CDK14: variants seen among roughly 807,000 people sequenced by gnomAD.
CDK14 encodes the protein cyclin-dependent kinase 14.
Under a neutral mutation model 60.7 loss-of-function variants are expected in CDK14, and 34 were observed. The ratio of observed to expected loss-of-function variants is 0.56; its 90% CI spans 0.43 to 0.75. The LOEUF is 0.75. Among genes scored for constraint, CDK14 ranks in the 30% least tolerant of loss-of-function variants. The pLI is 0.00. For synonymous variants in CDK14, 197 were observed against 203.7 expected (o/e 0.97, Z 0.28); for missense variants, 482 against 564.1 (o/e 0.85, Z 1.47).
chr7:91,020,563 C>A (rs1183051608), intron 10 of CDK14, among the ~76,000 whole-genome samples: 1 of 152,092 alleles, frequency 6.6e-6, no homozygotes, highest in Non-Finnish European at 1.5e-5. Flanking sequence ...TTAAGACAAG[C>A]GAAATAATTC....
chr7:90,770,820 C>A (rs1398690938), intron 4 of CDK14, among the ~76,000 whole-genome samples: 1 of 152,174 alleles, frequency 6.6e-6, no homozygotes, highest in Admixed American at 6.5e-5. Flanking sequence ...CCATCTATAC[C>A]AGGAAACTTT....
intron 13 of CDK14, among the ~76,000 whole-genome samples, chr7:91,117,087 G>A (rs895810905): frequency 2.8e-5 from 4 of 145,124 alleles, no homozygotes; most frequent in Non-Finnish European, 6.0e-5. Flanking sequence ...TGACCATCTA[G>A]TAGGCCTCTC....
chr7:90,596,647 C>T lies in CDK14; in HGVS notation c.20C>T (p.Pro7Leu), dbSNP rs767030755. MCDLIE[P>L]QPAEKIGKMK... ...GCCCAGATGTGTGACCTCATTGAGCCGCAGCCGGCCGAGAAGATCGGCAAG... is the reference window on the plus strand; with the variant it reads ...GCCCAGATGTGTGACCTCATTGAGCTGCAGCCGGCCGAGAAGATCGGCAAG... The change falls in exon 1 of 15, where the codon CCG becomes CTG. Residue 7 changes from proline to leucine, a missense_variant. Pro to Leu is a moderately conservative substitution (Grantham distance 98). Transcript: ENST00000380050. The T allele has an allele frequency of 3.1e-6, 5 of 1,612,074 alleles. No individual in the cohort carries two copies.
chr7:90,820,911 A>G (rs1789523316), intron 5 of CDK14, among the ~76,000 whole-genome samples: 1 of 152,220 alleles, frequency 6.6e-6, no homozygotes, highest in East Asian at 1.9e-4. Flanking sequence ...ACTGAAAGAT[A>G]TCAGTTTCTC....
chr7:90,830,487 T>C (rs966965103), intron 5 of CDK14, among the ~76,000 whole-genome samples: 1 of 152,210 alleles, frequency 6.6e-6, no homozygotes, highest in Non-Finnish European at 1.5e-5. Flanking sequence ...TCTGGGCTTG[T>C]GGTGGGAGGG....
intron 8 of CDK14, among the ~76,000 whole-genome samples, chr7:90,927,578 C>T (rs1793456363): frequency 6.6e-6 from 1 of 152,042 alleles, no homozygotes; most frequent in Non-Finnish European, 1.5e-5. Flanking sequence ...AACAGAAGTA[C>T]TAAAGTACAT....
chr7:91,190,400 A>T (rs553491878), intron 14 of CDK14, among the ~76,000 whole-genome samples: 30 of 152,366 alleles, frequency 2.0e-4, no homozygotes, highest in African/African-American at 7.0e-4. Context: ...AATAAAACTA[A>T]TGACCACCAC....
intron 14 of CDK14, among the ~76,000 whole-genome samples, chr7:91,184,409 G>C (rs1263666628): frequency 6.6e-6 from 1 of 152,106 alleles, no homozygotes; most frequent in Non-Finnish European, 1.5e-5. Context: ...GGTAAGTTCG[G>C]AGAAAGAGTG....
chr7:90,598,057 C>T (rs937061741), intron 1 of CDK14, among the ~76,000 whole-genome samples: 7 of 152,148 alleles, frequency 4.6e-5, no homozygotes, highest in Non-Finnish European at 8.8e-5. Flanking sequence ...AATGTTGAGT[C>T]GTGTGCATTA....
At chr7:90,966,737 A>G (rs985646853) in intron 9 of CDK14, among the ~76,000 whole-genome samples, 1 of 151,948 alleles carries the variant, frequency 6.6e-6, no homozygotes, top group Admixed American at 6.6e-5. Context: ...CTTCATACAC[A>G]TTTTCATTTC....
At chr7:91,103,605 A>C (rs925713558) in intron 12 of CDK14, among the ~76,000 whole-genome samples, 1 of 152,150 alleles carries the variant, frequency 6.6e-6, no homozygotes, top group African/African-American at 2.4e-5. Context: ...CCCTGCCTCT[A>C]GTTCACAATC....
At chr7:91,173,604 G>A (rs146517301) in intron 14 of CDK14, among the ~76,000 whole-genome samples, 2,030 of 152,306 alleles carry the variant, frequency 0.013, 30 homozygotes, top group South Asian at 0.029. Context: ...TGCATGCACC[G>A]TGCGCGAGCC....
At chr7:91,165,046 A>G (rs971610193) in intron 14 of CDK14, among the ~76,000 whole-genome samples, 3 of 152,196 alleles carry the variant, frequency 2.0e-5, no homozygotes, top group African/African-American at 7.2e-5. Context: ...GACAGTAGGG[A>G]AAGAAAGGTA....
chr7:90,636,747 A>G (rs1800160818), intron 2 of CDK14, among the ~76,000 whole-genome samples: 2 of 152,314 alleles, frequency 1.3e-5, no homozygotes, highest in African/African-American at 4.8e-5. Context: ...GAATTCAGCT[A>G]TGAATCCATC....
At chr7:90,706,726 T>G (rs1372835135) in intron 2 of CDK14, among the ~76,000 whole-genome samples, 1 of 152,020 alleles carries the variant, frequency 6.6e-6, no homozygotes, top group Non-Finnish European at 1.5e-5. Flanking sequence ...ACAGAAACAT[T>G]CCTGAGAAAC....
chr7:90,967,492 CG>C (rs1162978243), intron 9 of CDK14, among the ~76,000 whole-genome samples: 1 of 152,040 alleles, frequency 6.6e-6, no homozygotes, highest in African/African-American at 2.4e-5. Flanking sequence ...GATTAAATAG[CG>C]TAGTAATGCA....
chr7:91,105,616 C>G (rs1233116123), intron 12 of CDK14, among the ~76,000 whole-genome samples: 1 of 152,128 alleles, frequency 6.6e-6, no homozygotes, highest in Admixed American at 6.6e-5. Context: ...CCAGGCCTCT[C>G]AGGTTTCCCA....
At chr7:91,083,105 CT>C (rs949270233) in intron 12 of CDK14, among the ~76,000 whole-genome samples, 50 of 149,346 alleles carry the variant, frequency 3.3e-4, no homozygotes, top group African/African-American at 9.6e-4. Context: ...CCCACTTTCA[CT>C]TTTTTTTTTC....
intron 10 of CDK14, among the ~76,000 whole-genome samples, chr7:91,031,370 G>A (rs988069782): frequency 2.0e-5 from 3 of 151,808 alleles, no homozygotes; most frequent in South Asian, 2.1e-4. Context: ...TTCGATAATC[G>A]TCATACAGGA....
Sources: allele counts gnomAD v4.1 joint callset (sites outside exome capture counted in the v4.1 genomes callset), GRCh38; gene constraint gnomAD v4.1.1; transcripts MANE v1.5; gene names NCBI Gene and HGNC (gene_info 2026-07-23, HGNC 2026-07-21).